Variants in TMEM132B observed in about 807,000 individuals in gnomAD.
TMEM132B encodes the protein transmembrane protein 132B.
Under a neutral mutation model 90.8 loss-of-function variants are expected in TMEM132B, and 18 were observed. The observed-to-expected ratio is 0.20, with a 90% CI of 0.14 to 0.29. TMEM132B has a LOEUF of 0.29. Among genes scored for constraint, TMEM132B ranks in the 10% least tolerant of loss-of-function variants. The pLI, the probability that TMEM132B is intolerant of heterozygous loss-of-function variation, is 1.00. For synonymous variants in TMEM132B, 504 were observed against 523.3 expected (o/e 0.96, Z 0.50); for missense variants, 1,096 against 1,326.8 (o/e 0.83, Z 2.70).
intron 5 of TMEM132B, among the ~76,000 whole-genome samples, chr12:125,606,314 CTTT>C (rs368313402): frequency 3.0e-4 from 39 of 129,580 alleles, no homozygotes; most frequent in Non-Finnish European, 2.8e-4. Context: ...GATTTCTTTC[CTTT>C]TTTTTTTTTT....
At chr12:125,532,998 C>G (rs956361600) in intron 4 of TMEM132B, among the ~76,000 whole-genome samples, 1 of 152,118 alleles carries the variant, frequency 6.6e-6, no homozygotes, top group African/African-American at 2.4e-5. Context: ...TTCTTGCTAG[C>G]GAGTCACTTT....
intron 1 of TMEM132B, among the ~76,000 whole-genome samples, chr12:125,339,280 C>T (rs139293209): frequency 0.016 from 2,455 of 152,280 alleles, 63 homozygotes; most frequent in African/African-American, 0.056. Context: ...AAGTCCAAGA[C>T]CAAGGTGCCA....
intron 3 of TMEM132B, among the ~76,000 whole-genome samples, chr12:125,488,351 A>G (rs899876248): frequency 1.3e-5 from 2 of 152,190 alleles, no homozygotes; most frequent in Non-Finnish European, 2.9e-5. Flanking sequence ...TAAGATAACA[A>G]CCATTTACTT....
chr12:125,589,280 A>G (rs974659024), intron 5 of TMEM132B, among the ~76,000 whole-genome samples: 1 of 152,152 alleles, frequency 6.6e-6, no homozygotes, highest in Admixed American at 6.5e-5. Context: ...CAGGAGATCG[A>G]GACCATCCTG....
intron 3 of TMEM132B, among the ~76,000 whole-genome samples, chr12:125,507,845 C>G (rs1020546722): frequency 6.6e-6 from 1 of 152,108 alleles, no homozygotes; most frequent in Non-Finnish European, 1.5e-5. Flanking sequence ...CACAAGCACT[C>G]TGGCTGCTGT....
intron 5 of TMEM132B, chr12:125,584,693 C>G (rs928267054): frequency 6.6e-6 from 1 of 152,238 alleles, no homozygotes; most frequent in Non-Finnish European, 1.5e-5. Context: ...GTTTCTGACT[C>G]CAAATTCTGC....
chr12:125,423,203 G>C (rs1442350699), intron 3 of TMEM132B, among the ~76,000 whole-genome samples: 1 of 152,172 alleles, frequency 6.6e-6, no homozygotes, highest in Non-Finnish European at 1.5e-5. Flanking sequence ...AGAAGATAAA[G>C]ATATTTAGTT....
At chr12:125,431,343 G>A (rs756531416) in intron 3 of TMEM132B, among the ~76,000 whole-genome samples, 17 of 151,982 alleles carry the variant, frequency 1.1e-4, no homozygotes, top group Non-Finnish European at 1.8e-4. Flanking sequence ...GATGAGAAAC[G>A]CTGCATGTAA....
intron 5 of TMEM132B, among the ~76,000 whole-genome samples, chr12:125,641,595 T>G (rs1423237860): frequency 6.6e-6 from 1 of 152,202 alleles, no homozygotes; most frequent in African/African-American, 2.4e-5. Flanking sequence ...CCCTCTTACT[T>G]TGTTATGTTT....
chr12:125,468,821 T>C (rs1881639865), intron 3 of TMEM132B, among the ~76,000 whole-genome samples: 1 of 152,258 alleles, frequency 6.6e-6, no homozygotes, highest in Non-Finnish European at 1.5e-5. Context: ...CCGTCTTGGT[T>C]AAGTTTATAC....
chr12:125,637,401 C>G (rs1298480380), intron 5 of TMEM132B, among the ~76,000 whole-genome samples: 1 of 152,144 alleles, frequency 6.6e-6, no homozygotes, highest in Non-Finnish European at 1.5e-5. Flanking sequence ...GTTTATTTTG[C>G]CAAGGTTAAG....
rs140049211 is a variant in TMEM132B at position 125,257,755 on chromosome 12, A to C, written c.67+70889A>C. 7.6e-3 allele frequency among the ~76,000 whole-genome samples: 1,152 copies of C among 152,330 alleles called. 7 individuals carry two copies. Among genetic ancestry groups the C allele is most frequent in the Non-Finnish European group, 0.013 (893 of 68,022 alleles). On this transcript the variant is annotated intron_variant, in intron 1 of 8. Transcript: ENST00000682704. The stretch of plus-strand genomic sequence containing the variant: ...AGGTGGGCAGATAGAGATTTGACAC[A>C]GACAGAAGAGAAGGTGATGTGGCCA...
intron 4 of TMEM132B, among the ~76,000 whole-genome samples, chr12:125,536,206 T>A (rs1197906830): frequency 6.6e-6 from 1 of 152,192 alleles, no homozygotes; most frequent in Non-Finnish European, 1.5e-5. Flanking sequence ...TGCAAGGTGG[T>A]GACAGACTGC....
intron 5 of TMEM132B, among the ~76,000 whole-genome samples, chr12:125,589,265 G>A (rs920441864): frequency 8.6e-5 from 13 of 151,948 alleles, no homozygotes; most frequent in Admixed American, 5.2e-4. Context: ...GGCAGATCAC[G>A]AGGTCAGGAG....
At chr12:125,397,052 A>G (rs144880904) in intron 2 of TMEM132B, among the ~76,000 whole-genome samples, 2 of 151,278 alleles carry the variant, frequency 1.3e-5, no homozygotes, top group South Asian at 2.1e-4. Context: ...GCTCACTGCA[A>G]TCTCCCCCTC....
At chr12:125,379,960 C>G (rs1273713616) in intron 2 of TMEM132B, among the ~76,000 whole-genome samples, 1 of 151,874 alleles carries the variant, frequency 6.6e-6, no homozygotes, top group Non-Finnish European at 1.5e-5. Flanking sequence ...TTGCTCCTGT[C>G]TCTCTGATTC....
At chr12:125,430,429 C>G (rs1880465555) in intron 3 of TMEM132B, among the ~76,000 whole-genome samples, 1 of 152,074 alleles carries the variant, frequency 6.6e-6, no homozygotes, top group South Asian at 2.1e-4. Flanking sequence ...GGGCGGAAAC[C>G]CGGTCTAGGG....
chr12:125,508,302 G>T (rs1317084213), intron 3 of TMEM132B, among the ~76,000 whole-genome samples: 1 of 152,144 alleles, frequency 6.6e-6, no homozygotes, highest in African/African-American at 2.4e-5. Context: ...TTCATCTTGG[G>T]CCTGATCTTT....
chr12:125,453,544 C>T (rs1323198753), intron 3 of TMEM132B, among the ~76,000 whole-genome samples: 1 of 152,076 alleles, frequency 6.6e-6, no homozygotes, highest in Admixed American at 6.5e-5. Flanking sequence ...TCAGTATTGC[C>T]TAAGGCCTTT....
Sources: allele counts gnomAD v4.1 joint callset (sites outside exome capture counted in the v4.1 genomes callset), GRCh38; gene constraint gnomAD v4.1.1; transcripts MANE v1.5; gene names NCBI Gene and HGNC (gene_info 2026-07-23, HGNC 2026-07-21).